Variants in MECOM observed in about 807,000 individuals in gnomAD.
The protein encoded by MECOM is MDS1 and EVI1 complex locus, also known as histone-lysine N-methyltransferase MECOM.
In MECOM, 13 loss-of-function variants were observed where a neutral mutation model predicts 116.3. The ratio of observed to expected loss-of-function variants is 0.11; its 90% confidence interval spans 0.07 to 0.18. MECOM has a LOEUF of 0.18. MECOM is among the 10% of genes least tolerant of loss of function. MECOM has a pLI of 1.00. For synonymous variants in MECOM, 528 were observed against 535.2 expected, an observed-to-expected ratio of 0.99 and a Z score of 0.19; for missense variants, 1,299 against 1,509.0, an observed-to-expected ratio of 0.86 and a Z score of 2.31.
intron 2 of MECOM, among the ~76,000 whole-genome samples, chr3:169,191,125 T>G (rs1192806175): frequency 6.6e-6 from 1 of 151,936 alleles, no homozygotes; most frequent in Non-Finnish European, 1.5e-5. Context: ...TTGAGAGAGC[T>G]CTTAAGATAC....
At chr3:169,281,078 T>C (rs1044509130) in intron 2 of MECOM, among the ~76,000 whole-genome samples, 1 of 152,166 alleles carries the variant, frequency 6.6e-6, no homozygotes, top group Non-Finnish European at 1.5e-5. Context: ...TCACGTCACA[T>C]AGGAACCAAT....
At chr3:169,542,423 C>G (rs1028369596) in intron 1 of MECOM, among the ~76,000 whole-genome samples, 3 of 151,996 alleles carry the variant, frequency 2.0e-5, no homozygotes, top group African/African-American at 7.3e-5. Context: ...TAAACAATGC[C>G]CTGGGGATTT....
chr3:169,102,881 G>T (rs1287962669), intron 10 of MECOM, among the ~76,000 whole-genome samples: 1 of 151,858 alleles, frequency 6.6e-6, no homozygotes, highest in Non-Finnish European at 1.5e-5. Flanking sequence ...TGAAATGACA[G>T]TTCATCATAT....
chr3:169,468,227 A>G (rs1337870995), intron 1 of MECOM, among the ~76,000 whole-genome samples: 1 of 151,582 alleles, frequency 6.6e-6, no homozygotes, highest in Admixed American at 6.6e-5. Flanking sequence ...CCATGCCCTG[A>G]TTCCTCATTT....
At chr3:169,113,593 C>A (rs1408976503) in intron 8 of MECOM, among the ~76,000 whole-genome samples, 1 of 151,684 alleles carries the variant, frequency 6.6e-6, no homozygotes, top group East Asian at 1.9e-4. Context: ...ACCTATATAT[C>A]CCTTCTGCTT....
chr3:169,416,820 G>T (rs1393061217), intron 1 of MECOM, among the ~76,000 whole-genome samples: 1 of 152,040 alleles, frequency 6.6e-6, no homozygotes, highest in African/African-American at 2.4e-5. Flanking sequence ...ACAACTATCT[G>T]ATCTTTGACA....
chr3:169,348,624 T>A (rs1159009913), intron 2 of MECOM, among the ~76,000 whole-genome samples: 1 of 152,032 alleles, frequency 6.6e-6, no homozygotes, highest in Non-Finnish European at 1.5e-5. Context: ...ATTTATTTCA[T>A]AAGAGAAGTA....
chr3:169,201,504 C>T (rs1749150595), intron 2 of MECOM, among the ~76,000 whole-genome samples: 1 of 152,026 alleles, frequency 6.6e-6, no homozygotes, highest in Non-Finnish European at 1.5e-5. Flanking sequence ...CCCATACCCT[C>T]AAGCTAGAGT....
At position 169,369,758 on chromosome 3, in the gene MECOM, TTC is replaced by T. The variant is rs533694062; in HGVS notation, c.375+11427_375+11428del. The stretch of plus-strand genomic sequence containing the variant: ...ACTAATCTTCACTTCTCTTGGCATT[TTC>T]TCTGTTTTTAATTTCTCACAAGATA... On this transcript the variant is annotated intron_variant, in intron 2 of 16. Coordinates refer to ENST00000651503, the MANE Select transcript of MECOM (RefSeq NM_004991.4). Among the ~76,000 whole-genome samples the T allele has an allele frequency of 7.9e-3, 1,195 of 152,178 alleles. 15 individuals carry two copies. The highest frequency in any genetic ancestry group is 7.1e-3 in the Non-Finnish European group (485 of 67,980).
At chr3:169,472,963 GT>G in intron 1 of MECOM, 1 of 983,588 alleles carries the variant, frequency 1.0e-6, no homozygotes, top group African/African-American at 1.7e-5. Context: ...CTACCTGGTA[GT>G]TATCAATATG....
chr3:169,522,372 A>G (rs1757443730), intron 1 of MECOM, among the ~76,000 whole-genome samples: 1 of 152,216 alleles, frequency 6.6e-6, no homozygotes, highest in Non-Finnish European at 1.5e-5. Context: ...TCATGACTCT[A>G]GGTTGCCTTT....
intron 1 of MECOM, among the ~76,000 whole-genome samples, chr3:169,410,083 C>T (rs1229533315): frequency 2.0e-5 from 3 of 152,088 alleles, no homozygotes; most frequent in Admixed American, 6.5e-5. Flanking sequence ...TCATTTTTCA[C>T]GTTTATTTTC....
In MECOM at chr3:169,139,964, A is replaced by T. The variant is rs1388133598; in HGVS notation, c.510+3734T>A. Among the ~76,000 whole-genome samples, 6 of 42,260 alleles carry T rather than the reference A, an allele frequency of 1.4e-4. No individual in the cohort carries two copies. In the African/African-American group the frequency reaches 1.6e-3, roughly 11 times the overall value. The allele number at this position is 42,260 out of a possible 152,430, so 27.7% of individuals were successfully genotyped here. Reference sequence around the variant, plus strand: ...ATATCTAAATAACTAGTTTTCTTTAAAAAAAAAAAACAATATATCATGTAG... The same window carrying T: ...ATATCTAAATAACTAGTTTTCTTTATAAAAAAAAAACAATATATCATGTAG... On this transcript the variant is annotated intron_variant, in intron 3 of 16. Transcript: ENST00000651503.
chr3:169,134,831 G>A (rs981384217), intron 3 of MECOM, among the ~76,000 whole-genome samples: 2 of 152,118 alleles, frequency 1.3e-5, no homozygotes, highest in Non-Finnish European at 2.9e-5. Flanking sequence ...GAAGAGACAG[G>A]AGTAATTTAA....
chr3:169,162,462 G>A (rs974312221), intron 2 of MECOM, among the ~76,000 whole-genome samples: 3 of 152,178 alleles, frequency 2.0e-5, no homozygotes, highest in Admixed American at 6.5e-5. Flanking sequence ...TCAAACAGAA[G>A]GGAGATGGAT....
chr3:169,511,634 G>A (rs902305416), intron 1 of MECOM, among the ~76,000 whole-genome samples: 1 of 151,902 alleles, frequency 6.6e-6, no homozygotes, highest in Non-Finnish European at 1.5e-5. Context: ...TGTGATGGTG[G>A]GCGCTTGTAG....
At chr3:169,108,379 T>C (rs979057862) in intron 9 of MECOM, among the ~76,000 whole-genome samples, 2 of 152,174 alleles carry the variant, frequency 1.3e-5, no homozygotes, top group African/African-American at 4.8e-5. Flanking sequence ...TATGAATCAC[T>C]AAATAACAAA....
chr3:169,483,911 C>T (rs1751759233), intron 1 of MECOM: 2 of 1,609,130 alleles, frequency 1.2e-6, no homozygotes, highest in Non-Finnish European at 1.7e-6. Flanking sequence ...CTTTTCCGTT[C>T]ACTTTGATCC....
intron 1 of MECOM, among the ~76,000 whole-genome samples, chr3:169,652,214 A>G (rs548320928): frequency 3.3e-5 from 5 of 152,318 alleles, no homozygotes; most frequent in African/African-American, 7.2e-5. Context: ...TTTCTATGAG[A>G]TTCTCACAGG....
Sources: allele counts gnomAD v4.1 joint callset (sites outside exome capture counted in the v4.1 genomes callset), GRCh38; gene constraint gnomAD v4.1.1; transcripts MANE v1.5; gene names NCBI Gene and HGNC (gene_info 2026-07-23, HGNC 2026-07-21).